The following SON variants were observed in gnomAD, a reference collection of about 807,000 sequenced individuals.
SON encodes the protein protein SON.
Under a neutral mutation model 173.3 loss-of-function variants are expected in SON, and 4 were observed. The observed-to-expected ratio is 0.02, with a 90% confidence interval of 0.01 to 0.05. The LOEUF is 0.05. SON is among the 10% of genes least tolerant of loss of function. The pLI, the probability that SON is intolerant of heterozygous loss-of-function variation, is 1.00. For missense variants in SON, 2,626 were observed against 3,055.3 expected (o/e 0.86, Z 3.31); for synonymous variants, 1,190 against 1,105.9 (o/e 1.08, Z -1.51).
At chr21:33,570,188 G>A (rs1459151684) in intron 8 of SON, 2 of 152,268 alleles carry the variant, frequency 1.3e-5, no homozygotes, top group Non-Finnish European at 2.9e-5. Context: ...CTGACTCCTT[G>A]TGTAATCATG....
chr21:33,545,319 G>A (rs1415239577), intron 1 of SON, among the ~76,000 whole-genome samples: 5 of 152,100 alleles, frequency 3.3e-5, no homozygotes, highest in African/African-American at 1.2e-4. Context: ...AAAGCCAGAT[G>A]TTCCTTAATA....
chr21:33,548,249 T>C (rs946302526), intron 2 of SON, among the ~76,000 whole-genome samples: 2 of 151,776 alleles, frequency 1.3e-5, no homozygotes, highest in Admixed American at 1.3e-4. Flanking sequence ...TAGAAACATT[T>C]GAAAAGTTAT....
intron 6 of SON, among the ~76,000 whole-genome samples, chr21:33,566,770 T>C (rs1405119357): frequency 6.6e-6 from 1 of 152,190 alleles, no homozygotes; most frequent in African/African-American, 2.4e-5. Context: ...TGAAAACTGC[T>C]AAGGAATGTA....
At chr21:33,575,102 T>C (rs1222068350) in intron 9 of SON, among the ~76,000 whole-genome samples, 3 of 152,110 alleles carry the variant, frequency 2.0e-5, no homozygotes, top group Admixed American at 6.6e-5. Flanking sequence ...AGTGGCACGA[T>C]CTTTACTCAC....
intron 7 of SON, among the ~76,000 whole-genome samples, chr21:33,568,682 T>C (rs1469219430): frequency 6.6e-6 from 1 of 152,228 alleles, no homozygotes; most frequent in African/African-American, 2.4e-5. Flanking sequence ...CATTGTCATA[T>C]GAGCTCTTTT....
In SON at chr21:33,549,872, T is replaced by C. The variant is rs1289349991; in HGVS notation, c.641T>C (p.Leu214Pro). The C allele has an allele frequency of 6.2e-7, 1 of 1,614,142 alleles. No individual in the cohort carries two copies. The highest frequency in any genetic ancestry group is 8.5e-7 in the Non-Finnish European group (1 of 1,180,060). Residue 214 changes from leucine to proline, a missense_variant, in exon 3 of 12, where the codon CTG becomes CCG. Physicochemically the swap from Leu to Pro is moderately conservative, Grantham distance 98. Coordinates refer to ENST00000356577, the MANE Select transcript of SON (RefSeq NM_138927.4). ...TLKPATKTAE[L>P]SVVSTSVISE... is the part of the protein sequence containing the mutation. ...AAGCCAGCTACAAAAACTGCAGAAC[T>C]GTCAGTTGTATCTACATCAGTAATC...
chr21:33,550,170 T>C lies in SON; in HGVS notation c.939T>C (p.Pro313=). ...CCCTTGTGGTATCATCAGAGACACC[T>C]ACTGAGGTGTACCCTGAGCCAAGCA... ...SETLVVSSET[P]TEVYPEPSTS... Residue 313 remains proline (P), a synonymous_variant, in exon 3 of 12, where the codon CCT becomes CCC. Coordinates refer to ENST00000356577, the MANE Select transcript of SON (RefSeq NM_138927.4). The C allele has an allele frequency of 6.2e-7, 1 of 1,614,218 alleles. No individual in the cohort carries two copies. Among genetic ancestry groups the C allele is most frequent in the Non-Finnish European group, 8.5e-7 (1 of 1,180,038 alleles).
In SON at chr21:33,550,452, G is replaced by T. The variant is rs1459546555; in HGVS notation, c.1221G>T (p.Gly407=). The T allele has an allele frequency of 6.2e-7, 1 of 1,613,902 alleles. No homozygotes were observed. The highest frequency in any genetic ancestry group is 2.2e-5 in the East Asian group (1 of 44,884). Residue 407 remains glycine (G), a synonymous_variant, in exon 3 of 12, where the codon GGG becomes GGT. Coordinates refer to ENST00000356577, the MANE Select transcript of SON (RefSeq NM_138927.4). ...TGACTCCAGTGCTGGAGTTACCTGG[G>T]CCCTCTGCTACCCCGGTGCCAGAGT... The part of the protein sequence containing the change: ...PPVTPVLELP[G]PSATPVPELP...
intron 2 of SON, 117 bp downstream of exon 2, chr21:33,546,496 T>G: frequency 1.2e-6 from 1 of 846,364 alleles, no homozygotes; most frequent in Non-Finnish European, 1.8e-6. Flanking sequence ...TTAAAAACTT[T>G]AGGCTGGGTG....
At chr21:33,572,816 T>C (rs1020187920) in intron 8 of SON, among the ~76,000 whole-genome samples, 1 of 152,038 alleles carries the variant, frequency 6.6e-6, no homozygotes, top group African/African-American at 2.4e-5. Context: ...AAAATATTTA[T>C]ACTTGCTTTA....
At position 33,549,741 on chromosome 21, in the gene SON, T is replaced by C. The variant is rs751948671; in HGVS notation, c.510T>C (p.Pro170=). ...SEPSAVALEL[P]TRAFGPSETN... ...CTTCAGCTGTGGCGCTGGAGCTTCCTACAAGAGCATTTGGCCCATCTGAGA... is the reference window on the plus strand; with the variant it reads ...CTTCAGCTGTGGCGCTGGAGCTTCCCACAAGAGCATTTGGCCCATCTGAGA... Residue 170 remains proline, a synonymous_variant, in exon 3 of 12, where the codon CCT becomes CCC. Transcript: ENST00000356577. 2 of 1,614,156 alleles carry C rather than the reference T, an allele frequency of 1.2e-6. No homozygotes were observed. The highest frequency in any genetic ancestry group is 1.3e-5 in the African/African-American group (1 of 75,060).
Position 33,551,133 on chromosome 21 carries a change from G to T in SON, c.1902G>T (p.Gly634=). ...PLATGVLELP[G]QPGAPELPGQ... ...CAACAGGGGTGCTGGAGTTGCCAGG[G>T]CAGCCTGGGGCGCCAGAGTTGCCTG... Residue 634 remains glycine, a synonymous_variant, in exon 3 of 12, where the codon GGG becomes GGT. Coordinates refer to ENST00000356577, the MANE Select transcript of SON (RefSeq NM_138927.4). 6.2e-7 allele frequency: 1 copy of T among 1,613,346 alleles called. No homozygotes were observed. The highest frequency in any genetic ancestry group is 8.5e-7 in the Non-Finnish European group (1 of 1,179,482).
chr21:33,555,402 T>C lies in SON; in HGVS notation c.6160+11T>C, dbSNP rs1219075487. On this transcript the variant is annotated intron_variant, in intron 3 of 11. Transcript: ENST00000356577. Reference sequence around the variant, plus strand: ...GTCTGACAGATTTGGGTGAGTCATTTTAAAGTTTAATGGGATGGTAGTAGA... The same window carrying C: ...GTCTGACAGATTTGGGTGAGTCATTCTAAAGTTTAATGGGATGGTAGTAGA... 6.6e-7 allele frequency: 1 copy of C among 1,504,438 alleles called. No individual in the cohort carries two copies. 93.2% of individuals were successfully genotyped at this position (1,504,438 alleles called of 1,614,324 possible).
Position 33,552,239 on chromosome 21 carries a change from A to G in SON, c.3008A>G (p.Tyr1003Cys), listed in dbSNP as rs1193217647. Residue 1003 changes from tyrosine to cysteine, a missense_variant, in exon 3 of 12, where the codon TAT becomes TGT. Coordinates refer to ENST00000356577, the MANE Select transcript of SON (RefSeq NM_138927.4). The surrounding 1 kb of genome is among the most constrained non-coding windows in gnomAD (Gnocchi z 5.6). ...TCTAGACGTTCTATGATGATGTCCTATGCTGCAGAACGTTCCATGATGTCA... is the reference window on the plus strand; with the variant it reads ...TCTAGACGTTCTATGATGATGTCCTGTGCTGCAGAACGTTCCATGATGTCA... ...LASRRSMMMS[Y>C]AAERSMMSSY... The G allele has an allele frequency of 1.1e-5, 17 of 1,614,168 alleles. No homozygotes were observed. Among genetic ancestry groups the G allele is most frequent in the South Asian group, 2.2e-5 (2 of 91,088 alleles).
intron 9 of SON, among the ~76,000 whole-genome samples, chr21:33,574,438 G>A (rs2086354303): frequency 6.6e-6 from 1 of 152,160 alleles, no homozygotes; most frequent in South Asian, 2.1e-4. Context: ...TAAGCTCTCA[G>A]AGAACCACAG....
chr21:33,562,599 A>C (rs1432679377), intron 6 of SON, among the ~76,000 whole-genome samples: 1 of 152,192 alleles, frequency 6.6e-6, no homozygotes, highest in Non-Finnish European at 1.5e-5. Context: ...TTCATTTCTT[A>C]TGGAAAAACA....
Position 33,553,844 on chromosome 21 carries a change from A to G in SON, c.4613A>G (p.Asn1538Ser). The G allele has an allele frequency of 6.2e-7, 1 of 1,613,830 alleles. No homozygotes were observed. The highest frequency in any genetic ancestry group is 8.5e-7 in the Non-Finnish European group (1 of 1,179,770). ...ATAAATATAGACCTTAATATAAATA[A>G]TCATTTAATTGCTAAAGAGATGGAA... ...HGINIDLNIN[N>S]HLIAKEMEHN... The change falls in exon 3 of 12, where the codon AAT becomes AGT. Residue 1538 changes from asparagine to serine, a missense_variant. Transcript: ENST00000356577.
chr21:33,559,276 T>A lies in SON; in HGVS notation c.6368T>A (p.Val2123Glu). ...AQSKEDDDVI[V>E]NKPHVSDEEE... ...AGTAAAGAAGATGATGATGTAATAG[T>A]GAATAAACCTCATGTTTCGGATGAA... Residue 2123 changes from valine (V) to glutamate (E), a missense_variant, in exon 5 of 12, where the codon GTG becomes GAG. By Grantham distance (121) the Val-to-Glu change is moderately radical. Around this residue, in one of 13 missense-constraint regions of SON, gnomAD observed 75 missense variants for 201.6 expected, o/e 0.37. Transcript: ENST00000356577. This position sits in a 1 kb window ranked among gnomAD's most constrained non-coding sequence, Gnocchi z 4.1. 6.2e-7 allele frequency: 1 copy of A among 1,608,312 alleles called. No homozygotes were observed. The highest frequency in any genetic ancestry group is 8.5e-7 in the Non-Finnish European group (1 of 1,176,952).
chr21:33,561,941 A>G (rs908496565), intron 6 of SON, among the ~76,000 whole-genome samples: 3 of 152,324 alleles, frequency 2.0e-5, no homozygotes, highest in South Asian at 4.1e-4. Flanking sequence ...GGGACGATAT[A>G]TGTAACTATT....
Sources: gnomAD v4.1 joint callset for allele counts (sites outside exome capture counted in the v4.1 genomes callset) on GRCh38, gnomAD v4.1.1 for gene constraint, gnomAD v4.1.1 regional missense constraint, Gnocchi (gnomAD v3.1) non-coding constraint, MANE v1.5 for transcripts, NCBI Gene and HGNC (gene_info 2026-07-23, HGNC 2026-07-21) for gene names.